The following GALNTL6 variants were observed in gnomAD, a reference collection of about 807,000 sequenced individuals.
The protein encoded by GALNTL6 is polypeptide N-acetylgalactosaminyltransferase-like 6.
GALNTL6 carries 46 observed loss-of-function variants against 73.7 expected under a neutral mutation model. The observed-to-expected ratio is 0.62, with a 90% CI of 0.49 to 0.80. GALNTL6 has a LOEUF of 0.80. Among genes scored for constraint, GALNTL6 ranks in the 30% least tolerant of loss-of-function variants. GALNTL6 has a pLI of 0.00. For synonymous variants in GALNTL6, 259 were observed against 263.7 expected, an observed-to-expected ratio of 0.98 and a Z score of 0.17; for missense variants, 604 against 755.0, an observed-to-expected ratio of 0.80 and a Z score of 2.34.
Position 172,230,783 on chromosome 4 carries a change from C to T in GALNTL6, c.247+1019C>T, listed in dbSNP as rs75118004. Among the ~76,000 whole-genome samples, 76 of 152,130 alleles carry T rather than the reference C, an allele frequency of 5.0e-4. No homozygotes were observed. In the East Asian group the frequency reaches 0.014, roughly 28 times the overall value. On this transcript the variant is annotated intron_variant, in intron 3 of 12. Transcript: ENST00000506823. Reference sequence around the variant, plus strand: ...GGATGTCACAGAAATGGAGCAGCTACAGTTTGGTAAAGACATCTCAGCAGC... The same window carrying T: ...GGATGTCACAGAAATGGAGCAGCTATAGTTTGGTAAAGACATCTCAGCAGC...
At chr4:172,004,227 AG>A (rs1740760889) in intron 2 of GALNTL6, among the ~76,000 whole-genome samples, 1 of 152,186 alleles carries the variant, frequency 6.6e-6, no homozygotes, top group Non-Finnish European at 1.5e-5. Flanking sequence ...TCCCCACAAA[AG>A]ATTTTCAATA....
intron 5 of GALNTL6, among the ~76,000 whole-genome samples, chr4:172,526,152 T>C (rs948279409): frequency 2.6e-5 from 4 of 152,200 alleles, no homozygotes. Flanking sequence ...TAACCTTAAA[T>C]GAATAGCAAA....
At chr4:172,264,589 TA>T (rs1738382742) in intron 3 of GALNTL6, among the ~76,000 whole-genome samples, 1 of 99,568 alleles carries the variant, frequency 1.0e-5, no homozygotes, top group African/African-American at 3.8e-5. Context: ...TATATATATA[TA>T]TATTTGGCAT....
intron 5 of GALNTL6, among the ~76,000 whole-genome samples, chr4:172,732,147 T>C (rs1736186700): frequency 6.6e-6 from 1 of 152,172 alleles, no homozygotes; most frequent in Admixed American, 6.5e-5. Context: ...TTAACATCCC[T>C]GACTATTATT....
chr4:172,905,658 C>G (rs1209412718), intron 8 of GALNTL6, among the ~76,000 whole-genome samples: 1 of 151,566 alleles, frequency 6.6e-6, no homozygotes, highest in Non-Finnish European at 1.5e-5. Flanking sequence ...ATTAGTAAGT[C>G]CACAAAATTA....
At chr4:172,292,460 A>G (rs997856845) in intron 3 of GALNTL6, among the ~76,000 whole-genome samples, 1 of 152,186 alleles carries the variant, frequency 6.6e-6, no homozygotes, top group African/African-American at 2.4e-5. Flanking sequence ...GATACAATCC[A>G]TAATTTCTGT....
intron 8 of GALNTL6, among the ~76,000 whole-genome samples, chr4:172,905,763 T>C (rs1746850605): frequency 7.2e-6 from 1 of 139,598 alleles, no homozygotes; most frequent in Admixed American, 8.0e-5. Context: ...AATTACAATA[T>C]ATTTAGAGTT....
intron 5 of GALNTL6, among the ~76,000 whole-genome samples, chr4:172,502,016 A>G (rs955264016): frequency 1.3e-5 from 2 of 152,208 alleles, no homozygotes; most frequent in African/African-American, 4.8e-5. Context: ...TCATTAAAAT[A>G]CACTTTATGG....
chr4:172,366,922 T>A (rs1019296132), intron 5 of GALNTL6, among the ~76,000 whole-genome samples: 1 of 152,228 alleles, frequency 6.6e-6, no homozygotes, highest in Non-Finnish European at 1.5e-5. Context: ...ACAAAATTAC[T>A]GCTAATTAAT....
chr4:172,339,258 CA>C (rs1741465880), intron 4 of GALNTL6, among the ~76,000 whole-genome samples: 2 of 682 alleles, frequency 2.9e-3, no homozygotes, highest in Non-Finnish European at 0.011. Flanking sequence ...ACACACACAC[CA>C]CACACACACA....
chr4:173,023,132 C>G (rs532477372), intron 12 of GALNTL6, among the ~76,000 whole-genome samples: 55 of 152,186 alleles, frequency 3.6e-4, no homozygotes, highest in Middle Eastern at 6.8e-3. Context: ...TCAGTGTCCC[C>G]CCAAATTACA....
At chr4:172,039,074 C>G (rs1742015586) in intron 2 of GALNTL6, among the ~76,000 whole-genome samples, 1 of 152,166 alleles carries the variant, frequency 6.6e-6, no homozygotes, top group Admixed American at 6.6e-5. Flanking sequence ...ACTAATTGTT[C>G]TATCTACTGA....
At chr4:171,955,394 ATG>A (rs1491037771) in intron 2 of GALNTL6, among the ~76,000 whole-genome samples, 2 of 143,574 alleles carry the variant, frequency 1.4e-5, no homozygotes, top group Non-Finnish European at 3.1e-5. Context: ...ATATATATAT[ATG>A]TTTACACACA....
chr4:172,976,186 GC>G (rs1297878349), intron 10 of GALNTL6, among the ~76,000 whole-genome samples: 1 of 152,116 alleles, frequency 6.6e-6, no homozygotes, highest in Non-Finnish European at 1.5e-5. Context: ...AAAAAGAATT[GC>G]TACTGAACCA....
At chr4:172,968,590 G>A (rs550570848) in intron 10 of GALNTL6, among the ~76,000 whole-genome samples, 1 of 152,296 alleles carries the variant, frequency 6.6e-6, no homozygotes, top group East Asian at 1.9e-4. Flanking sequence ...CAAGACAAAA[G>A]CTTCCAAACC....
intron 5 of GALNTL6, among the ~76,000 whole-genome samples, chr4:172,536,690 A>G (rs1032319561): frequency 6.6e-6 from 1 of 152,202 alleles, no homozygotes; most frequent in African/African-American, 2.4e-5. Flanking sequence ...TTATTCATTC[A>G]CAAAGATATG....
intron 5 of GALNTL6, among the ~76,000 whole-genome samples, chr4:172,801,041 A>G (rs1230622143): frequency 1.3e-5 from 2 of 152,202 alleles, no homozygotes; most frequent in African/African-American, 4.8e-5. Flanking sequence ...GAAAAAATAT[A>G]TAATTGAAAC....
chr4:172,368,794 G>A (rs141952190), intron 5 of GALNTL6, among the ~76,000 whole-genome samples: 4,755 of 152,118 alleles, frequency 0.031, 85 homozygotes, highest in Non-Finnish European at 0.045. Context: ...GGACCCTTGC[G>A]GTGAGTGTTA....
At chr4:172,154,511 C>T (rs1008725167) in intron 2 of GALNTL6, among the ~76,000 whole-genome samples, 1 of 152,194 alleles carries the variant, frequency 6.6e-6, no homozygotes, top group Non-Finnish European at 1.5e-5. Context: ...GGATTACAGG[C>T]TTGAGCTACT....
Sources: allele counts gnomAD v4.1 joint callset (sites outside exome capture counted in the v4.1 genomes callset), GRCh38; gene constraint gnomAD v4.1.1; transcripts MANE v1.5; gene names NCBI Gene and HGNC (gene_info 2026-07-23, HGNC 2026-07-21).